Variants in ACKR3 observed in about 807,000 individuals in gnomAD.
ACKR3 encodes the protein atypical chemokine receptor 3.
In ACKR3, 6 loss-of-function variants were observed where a neutral mutation model predicts 22.4. The observed-to-expected ratio is 0.27, with a 90% CI of 0.15 to 0.53. The LOEUF (loss-of-function observed/expected upper bound fraction) is 0.53, where lower values mean the gene tolerates loss of function less well. Ranked by LOEUF, ACKR3 falls within the 20% of genes least tolerant of loss-of-function variation. The pLI is 0.96. For synonymous variants in ACKR3, 209 were observed against 205.2 expected (o/e 1.02, Z -0.16); for missense variants, 396 against 475.2 (o/e 0.83, Z 1.55).
At chr2:236,554,445 A>C in the ACKR3 span, among the ~76,000 whole-genome samples, 43 of 152,306 alleles carry the variant, frequency 2.8e-4, no homozygotes, top group Middle Eastern at 3.4e-3. Context: ...GAAAGAAGTA[A>C]ACAGAACTCT....
chr2:236,573,362 G>A (rs1412136849), intron 1 of ACKR3, among the ~76,000 whole-genome samples: 2 of 152,310 alleles, frequency 1.3e-5, no homozygotes, highest in South Asian at 2.1e-4. Flanking sequence ...CATGATTCCC[G>A]CTGGAGAGTC....
In ACKR3 at chr2:236,574,986, C is replaced by T. The variant is rs1244243309; in HGVS notation, c.-27+5062C>T. Among the ~76,000 whole-genome samples the T allele has an allele frequency of 1.3e-5, 2 of 152,024 alleles. No homozygotes were observed. Among genetic ancestry groups the T allele is most frequent in the Non-Finnish European group, 2.9e-5 (2 of 68,010 alleles). On this transcript the variant is annotated intron_variant, in intron 1 of 1. Transcript: ENST00000272928. The surrounding 1 kb of genome is among the most constrained non-coding windows in gnomAD (Gnocchi z 5.6). ...GAAAGTTCTCTCCCTGTCACTGCAA[C>T]GTGCGACAGGGCCGCTAAAAAGGTG...
At chr2:236,552,169 A>G in the ACKR3 span, among the ~76,000 whole-genome samples, 1 of 152,170 alleles carries the variant, frequency 6.6e-6, no homozygotes, top group Admixed American at 6.5e-5. Flanking sequence ...CTGGTCTTTT[A>G]AGATGGAAAT....
In ACKR3 at chr2:236,580,587, G is replaced by C. The variant is rs754768444; in HGVS notation, c.122G>C (p.Ser41Thr). 11 of 1,613,528 alleles carry C rather than the reference G, an allele frequency of 6.8e-6. No homozygotes were observed. Among genetic ancestry groups the C allele is most frequent in the Non-Finnish European group, 7.6e-6 (9 of 1,179,772 alleles). Residue 41 changes from serine (S) to threonine (T), a missense_variant, in exon 2 of 2, where the codon AGC (serine) becomes ACC (threonine). Transcript: ENST00000272928. ...TVMCPNMPNK[S>T]VLLYTLSFIY... ...ATGTGTCCCAACATGCCCAACAAAAGCGTCCTGCTCTACACGCTCTCCTTC... is the reference window on the plus strand; with the variant it reads ...ATGTGTCCCAACATGCCCAACAAAACCGTCCTGCTCTACACGCTCTCCTTC...
At chr2:236,576,704 A>C (rs1298931415) in intron 1 of ACKR3, among the ~76,000 whole-genome samples, 4 of 152,264 alleles carry the variant, frequency 2.6e-5, no homozygotes, top group Non-Finnish European at 5.9e-5. Context: ...TGGGGCGGCC[A>C]GAGCCTTTGT....
At chr2:236,558,236 G>C in the ACKR3 span, among the ~76,000 whole-genome samples, 3 of 152,188 alleles carry the variant, frequency 2.0e-5, no homozygotes, top group Admixed American at 6.5e-5. Flanking sequence ...GCAGTGCGTG[G>C]AGAGTAGTAG....
upstream of ACKR3, chr2:236,569,565 T>C (rs1226271157): frequency 6.6e-6 from 1 of 152,264 alleles, no homozygotes; most frequent in Non-Finnish European, 1.5e-5. Flanking sequence ...TGGCTGACGT[T>C]TTCCCCCCGT....
In ACKR3 at chr2:236,580,420, T is replaced by G. The variant is rs780051514; in HGVS notation, c.-26-20T>G. 11 of 1,559,304 alleles carry G rather than the reference T, an allele frequency of 7.1e-6. No individual in the cohort carries two copies. The highest frequency in any genetic ancestry group is 6.9e-6 in the Non-Finnish European group (8 of 1,151,624). On this transcript the variant is annotated intron_variant, in intron 1 of 1. Transcript: ENST00000272928. ...TGACTTTCCTCTTCCATCTTTTTTG[T>G]TTGCTTGGTTTTCTCATAGGTCATT...
the ACKR3 span, among the ~76,000 whole-genome samples, chr2:236,562,391 T>G: frequency 6.6e-6 from 1 of 152,204 alleles, no homozygotes. Flanking sequence ...ATGAAGGATA[T>G]TGGTCTATAA....
chr2:236,578,370 T>A (rs566159949), intron 1 of ACKR3, among the ~76,000 whole-genome samples: 4 of 152,226 alleles, frequency 2.6e-5, no homozygotes, highest in Non-Finnish European at 2.9e-5. Context: ...CAGCCTCCCA[T>A]GCTTGGGCAT....
chr2:236,546,025 T>C, the ACKR3 span, among the ~76,000 whole-genome samples: 20 of 152,240 alleles, frequency 1.3e-4, no homozygotes, highest in African/African-American at 4.8e-4. The surrounding 1 kb of genome is among the most constrained non-coding windows in gnomAD (Gnocchi z 4.9). Context: ...TTTTGCTTCC[T>C]TTTCAGAGAC....
the ACKR3 span, among the ~76,000 whole-genome samples, chr2:236,541,604 C>T: frequency 6.6e-6 from 1 of 152,186 alleles, no homozygotes; most frequent in Non-Finnish European, 1.5e-5. Context: ...TGACTTAGCA[C>T]AGAACCACGT....
At position 236,580,833 on chromosome 2, in the gene ACKR3, T is replaced by G; in HGVS notation, c.368T>G (p.Ile123Ser). ...GELTCKVTHL[I>S]FSINLFGSIF... is the part of the protein sequence containing the mutation. ...CTCACGTGCAAAGTCACACACCTCA[T>G]CTTCTCCATCAACCTCTTCGGCAGC... The change falls in exon 2 of 2, where the codon ATC (isoleucine) becomes AGC (serine). Residue 123 changes from isoleucine to serine, a missense_variant. Coordinates refer to ENST00000272928, the MANE Select transcript of ACKR3 (RefSeq NM_020311.3). 1 of 1,614,160 alleles carries G rather than the reference T, an allele frequency of 6.2e-7. No homozygotes were observed. Among genetic ancestry groups the G allele is most frequent in the Non-Finnish European group, 8.5e-7 (1 of 1,180,036 alleles).
upstream of ACKR3, among the ~76,000 whole-genome samples, chr2:236,564,437 G>C (rs1691139568): frequency 6.6e-6 from 1 of 152,154 alleles, no homozygotes; most frequent in Non-Finnish European, 1.5e-5. Context: ...TGTTCAATGT[G>C]CTAAGAACCT....
intron 1 of ACKR3, among the ~76,000 whole-genome samples, chr2:236,579,177 A>T (rs1691471556): frequency 6.6e-6 from 1 of 152,140 alleles, no homozygotes; most frequent in Admixed American, 6.5e-5. Flanking sequence ...AGCCACCCGG[A>T]CCCTGATCCC....
chr2:236,566,700 T>TCGTTCCTTC (rs1229067005), upstream of ACKR3, among the ~76,000 whole-genome samples: 2 of 133,926 alleles, frequency 1.5e-5, no homozygotes, highest in East Asian at 2.3e-4. Context: ...GGTCTGTCCC[T>TCGTTCCTTC]CTTTCCTTCC....
intron 1 of ACKR3, among the ~76,000 whole-genome samples, chr2:236,571,642 A>AAAAC (rs1553634887): frequency 1.4e-5 from 2 of 142,810 alleles, no homozygotes; most frequent in African/African-American, 5.4e-5. Flanking sequence ...AAAAAAAAAA[A>AAAAC]CCCAAAACAA....
At chr2:236,553,739 G>T in the ACKR3 span, among the ~76,000 whole-genome samples, 3,051 of 152,386 alleles carry the variant, frequency 0.02, 95 homozygotes, top group African/African-American at 0.07. Flanking sequence ...CAGAGAAGCT[G>T]CGAACTGCGA....
At chr2:236,555,525 C>T in the ACKR3 span, among the ~76,000 whole-genome samples, 1 of 152,136 alleles carries the variant, frequency 6.6e-6, no homozygotes, top group South Asian at 2.1e-4. Flanking sequence ...TATTTTCATA[C>T]CTGGTCATGA....
Sources: gnomAD v4.1 joint callset for allele counts (sites outside exome capture counted in the v4.1 genomes callset) on GRCh38, gnomAD v4.1.1 for gene constraint, Gnocchi (gnomAD v3.1) non-coding constraint, MANE v1.5 for transcripts, NCBI Gene and HGNC (gene_info 2026-07-23, HGNC 2026-07-21) for gene names.